The following MAGI1 variants were observed in gnomAD, a reference collection of about 807,000 sequenced individuals.
MAGI1 encodes membrane-associated guanylate kinase, WW and PDZ domain-containing protein 1.
A neutral mutation model predicts 139.9 loss-of-function variants in MAGI1; 58 were observed. The observed-to-expected ratio is 0.41, with a 90% CI of 0.34 to 0.52. MAGI1 has a LOEUF of 0.52. Ranked by LOEUF, MAGI1 falls within the 20% of genes least tolerant of loss-of-function variation. The pLI is 0.12. For missense variants in MAGI1, 1,874 were observed against 1,901.6 expected (o/e 0.99, Z 0.27); for synonymous variants, 812 against 737.9 (o/e 1.10, Z -1.63).
intron 2 of MAGI1, among the ~76,000 whole-genome samples, chr3:65,496,410 G>A (rs796427944): frequency 2.0e-5 from 3 of 152,212 alleles, no homozygotes; most frequent in Admixed American, 1.3e-4. Context: ...CAGGAGGTGG[G>A]CAAGAATAGA....
rs983937141 is a variant in MAGI1, at chr3:65,356,546, G to C, written c.4221C>G (p.Pro1407=). Residue 1407 remains proline (P), a synonymous_variant, in exon 23 of 23, where the codon CCC becomes CCG. Coordinates refer to ENST00000402939, the MANE Select transcript of MAGI1 (RefSeq NM_001033057.2). ...KSTDRRRARS[P]ERRRERSLDK... The stretch of plus-strand genomic sequence containing the variant: ...CCAGGGACCGCTCTCTCCTGCGCTC[G>C]GGGGAGCGTGCGCGCCTCCGGTCGG... 3 of 1,609,010 alleles carry C rather than the reference G, an allele frequency of 1.9e-6. No homozygotes were observed. The highest frequency in any genetic ancestry group is 1.7e-5 in the Admixed American group (1 of 59,676).
At position 66,020,119 on chromosome 3, in the gene MAGI1, G is replaced by A. The variant is rs573120091; in HGVS notation, c.313+17877C>T. Among the ~76,000 whole-genome samples the A allele has an allele frequency of 7.2e-5, 11 of 152,250 alleles. No individual in the cohort carries two copies. The East Asian group carries it at 1.2e-3, about 16-fold the overall frequency. ...CTGTGAGTAACAAGGCATATCACCCGTTTGCCCCTGTTATCCATCTGCAAA... is the reference window on the plus strand; with the variant it reads ...CTGTGAGTAACAAGGCATATCACCCATTTGCCCCTGTTATCCATCTGCAAA... On this transcript the variant is annotated intron_variant, in intron 1 of 22. Transcript: ENST00000402939.
At chr3:65,378,598 C>T (rs763416793) in intron 17 of MAGI1, among the ~76,000 whole-genome samples, 42 of 152,006 alleles carry the variant, frequency 2.8e-4, no homozygotes, top group Non-Finnish European at 4.0e-4. Context: ...CAAGACCTTT[C>T]GAAAGCCTTG....
intron 1 of MAGI1, among the ~76,000 whole-genome samples, chr3:65,771,330 AGAC>A (rs768267573): frequency 1.2e-3 from 187 of 151,458 alleles, no homozygotes; most frequent in Non-Finnish European, 2.0e-3. Flanking sequence ...AAAAAAAAGA[AGAC>A]GATTACTCAG....
intron 13 of MAGI1, among the ~76,000 whole-genome samples, chr3:65,392,464 C>A (rs1187597984): frequency 6.6e-6 from 1 of 152,138 alleles, no homozygotes; most frequent in African/African-American, 2.4e-5. Context: ...AAAGGGCTCT[C>A]CATTCTCTTT....
Position 65,357,020 on chromosome 3 carries a change from A to C in MAGI1, c.3747T>G (p.Asp1249Glu), listed in dbSNP as rs2106675766. 6.2e-7 allele frequency: 1 copy of C among 1,614,064 alleles called. No individual in the cohort carries two copies. Among genetic ancestry groups the C allele is most frequent in the South Asian group, 1.1e-5 (1 of 91,072 alleles). ...CCCCATGTGGTGATGATTTGTGAAG[A>C]TCGGGTGGGTAACTGGACTCCAATG... ...HPSLESSYPP[D>E]LHKSSPHGEK... The change falls in exon 23 of 23, where the codon GAT becomes GAG. Residue 1249 changes from aspartate (D) to glutamate (E), a missense_variant. Coordinates refer to ENST00000402939, the MANE Select transcript of MAGI1 (RefSeq NM_001033057.2).
At chr3:65,362,364 C>G (rs891350097) in intron 21 of MAGI1, among the ~76,000 whole-genome samples, 7 of 151,966 alleles carry the variant, frequency 4.6e-5, no homozygotes, top group African/African-American at 1.7e-4. Flanking sequence ...AAGTAATTAA[C>G]TTTTTAAAGT....
intron 1 of MAGI1, among the ~76,000 whole-genome samples, chr3:65,999,536 T>C (rs1258460935): frequency 6.6e-6 from 1 of 152,130 alleles, no homozygotes; most frequent in Non-Finnish European, 1.5e-5. Context: ...ATGGCAAATA[T>C]ATGGTGAAAT....
At chr3:65,429,271 T>G (rs1947303308) in intron 12 of MAGI1, among the ~76,000 whole-genome samples, 1 of 152,162 alleles carries the variant, frequency 6.6e-6, no homozygotes, top group Non-Finnish European at 1.5e-5. Context: ...CTTAGGTTTT[T>G]AAATCTTAAC....
At position 65,743,814 on chromosome 3, in the gene MAGI1, A is replaced by C. The variant is rs137986058; in HGVS notation, c.314-121726T>G. On this transcript the variant is annotated intron_variant, in intron 1 of 22. Coordinates refer to ENST00000402939, the MANE Select transcript of MAGI1 (RefSeq NM_001033057.2). The stretch of plus-strand genomic sequence containing the variant: ...TCTAGGGTATATTTAACACATATTC[A>C]TTTTTTGTGTTGGTTCTCAAGTCTT... Among the ~76,000 whole-genome samples the C allele has an allele frequency of 6.3e-3, 958 of 152,132 alleles. 1 individual carries two copies. The highest frequency in any genetic ancestry group is 0.01 in the Non-Finnish European group (687 of 67,984).
intron 5 of MAGI1, among the ~76,000 whole-genome samples, chr3:65,466,476 A>G (rs1428512553): frequency 6.6e-6 from 1 of 152,026 alleles, no homozygotes; most frequent in Non-Finnish European, 1.5e-5. Context: ...GCTCCTTCTT[A>G]CCGCTGGGTG....
At position 66,037,997 on chromosome 3, in the gene MAGI1, T is replaced by C. The variant is rs1461256707; in HGVS notation, c.312A>G (p.Gln104=). The C allele has an allele frequency of 1.3e-6, 2 of 1,571,234 alleles. No individual in the cohort carries two copies. The highest frequency in any genetic ancestry group is 8.6e-7 in the Non-Finnish European group (1 of 1,157,156). Residue 104 remains glutamine (Q), a splice_region_variant and synonymous_variant, in exon 1 of 23, where the codon CAA becomes CAG. Transcript: ENST00000402939. ...CCCCAAAGGCGCGCCCTGCCTTACC[T>C]TGTCTGACGGCCTTGAAGGTGACGG... is the stretch of plus-strand genomic sequence containing the variant. ...KEAVTFKAVR[Q]GGRLNKDLRH... is the part of the protein sequence containing the mutation.
intron 22 of MAGI1, chr3:65,359,965 A>G: frequency 1.0e-6 from 1 of 985,434 alleles, no homozygotes; most frequent in Non-Finnish European, 1.2e-6. Context: ...GAAGTTCAGT[A>G]CAGTGCACAG....
rs558421581 is a variant in MAGI1 at position 65,573,890 on chromosome 3, C to A, written c.430+48082G>T. Among the ~76,000 whole-genome samples, 18 of 152,222 alleles carry A rather than the reference C, an allele frequency of 1.2e-4. No homozygotes were observed. The South Asian group carries it at 3.5e-3, about 30-fold the overall frequency. On this transcript the variant is annotated intron_variant, in intron 2 of 22. Coordinates refer to ENST00000402939, the MANE Select transcript of MAGI1 (RefSeq NM_001033057.2). ...AGTTTCATAAGAACACAGTCACACC[C>A]ATTCACTTGTGTATTATCTACAGCT... is the stretch of plus-strand genomic sequence containing the variant.
chr3:65,906,825 G>T lies in MAGI1; in HGVS notation c.313+131171C>A, dbSNP rs370331660. On this transcript the variant is annotated intron_variant, in intron 1 of 22. Transcript: ENST00000402939. ...TGCTTGAACCCAGGAGGTGGAGGTT[G>T]CAGTGAGCCAAGATCACGCCATTGC... is the stretch of plus-strand genomic sequence containing the variant. 2.1e-4 allele frequency among the ~76,000 whole-genome samples: 32 copies of T among 151,342 alleles called. No homozygotes were observed. In the South Asian group the frequency reaches 3.1e-3, roughly 15 times the overall value.
chr3:65,485,763 T>A (rs1318517029), intron 3 of MAGI1, among the ~76,000 whole-genome samples: 1 of 152,194 alleles, frequency 6.6e-6, no homozygotes, highest in Non-Finnish European at 1.5e-5. Context: ...AAGGCATCAA[T>A]ATTCCCATTT....
At chr3:65,375,381 G>A (rs758594820) in intron 18 of MAGI1, among the ~76,000 whole-genome samples, 4 of 152,040 alleles carry the variant, frequency 2.6e-5, no homozygotes, top group Non-Finnish European at 2.9e-5. Flanking sequence ...TACAGACGGG[G>A]TTCCACCGTG....
chr3:65,613,898 A>C (rs945413343), intron 2 of MAGI1, among the ~76,000 whole-genome samples: 1 of 152,196 alleles, frequency 6.6e-6, no homozygotes, highest in Non-Finnish European at 1.5e-5. Context: ...GAAACTGAAA[A>C]GAGTGTTTGG....
At chr3:65,403,743 C>A (rs1246002894) in intron 12 of MAGI1, among the ~76,000 whole-genome samples, 1 of 152,190 alleles carries the variant, frequency 6.6e-6, no homozygotes, top group Non-Finnish European at 1.5e-5. Context: ...TTGTAAGACT[C>A]TGGCTGATCT....
Sources: gnomAD v4.1 joint callset for allele counts (sites outside exome capture counted in the v4.1 genomes callset) on GRCh38, gnomAD v4.1.1 for gene constraint, MANE v1.5 for transcripts, NCBI Gene and HGNC (gene_info 2026-07-23, HGNC 2026-07-21) for gene names.